MFSD6: variants seen among roughly 807,000 people sequenced by gnomAD.
The protein encoded by MFSD6 is major facilitator superfamily domain-containing protein 6.
Under a neutral mutation model 56.3 loss-of-function variants are expected in MFSD6, and 26 were observed. That is an observed-to-expected ratio of 0.46 (90% CI 0.34 to 0.64). The LOEUF is 0.64. MFSD6 is among the 30% of genes least tolerant of loss of function. MFSD6 has a pLI of 0.01. For missense variants in MFSD6, 750 were observed against 986.2 expected, an observed-to-expected ratio of 0.76 and a Z score of 3.21; for synonymous variants, 331 against 366.9, an observed-to-expected ratio of 0.90 and a Z score of 1.12.
Position 190,436,142 on chromosome 2 carries a change from A to C in MFSD6, c.113A>C (p.Asn38Thr). Residue 38 changes from asparagine to threonine, a missense_variant, in exon 3 of 8, where the codon AAT becomes ACT. Asn to Thr is a moderately conservative substitution (Grantham distance 65). Transcript: ENST00000392328. This position sits in a 1 kb window ranked among gnomAD's most constrained non-coding sequence, Gnocchi z 5.3. ...GISREPEPPSNETPSSTETSA... is the reference protein window; with the variant it reads ...GISREPEPPSTETPSSTETSA... ...TCCAGGGAACCAGAACCACCTTCGA[A>C]TGAAACACCTTCCTCCACAGAAACA... 2 of 1,614,250 alleles carry C rather than the reference A, an allele frequency of 1.2e-6. No homozygotes were observed. Among genetic ancestry groups the C allele is most frequent in the South Asian group, 1.1e-5 (1 of 91,092 alleles).
rs1369840382 is a variant in MFSD6, at chr2:190,436,817, T to C, written c.788T>C (p.Ile263Thr). 2 of 1,614,122 alleles carry C rather than the reference T, an allele frequency of 1.2e-6. No homozygotes were observed. Among genetic ancestry groups the C allele is most frequent in the Non-Finnish European group, 1.7e-6 (2 of 1,180,046 alleles). Residue 263 changes from isoleucine to threonine, a missense_variant, in exon 3 of 8, where the codon ATT (isoleucine) becomes ACT (threonine). By Grantham distance (89) the Ile-to-Thr change is moderately conservative. Coordinates refer to ENST00000392328, the MANE Select transcript of MFSD6 (RefSeq NM_017694.4). The surrounding 1 kb of genome is among the most constrained non-coding windows in gnomAD (Gnocchi z 5.3). ...GSVTKETTTVIVTTTKSLPSD... is the reference protein window; with the variant it reads ...GSVTKETTTVTVTTTKSLPSD... Reference sequence around the variant, plus strand: ...GTAACCAAGGAGACAACCACTGTTATTGTTACCACCACCAAATCTTTACCT... The same window carrying C: ...GTAACCAAGGAGACAACCACTGTTACTGTTACCACCACCAAATCTTTACCT...
intron 4 of MFSD6, among the ~76,000 whole-genome samples, chr2:190,486,723 G>A (rs538005253): frequency 1.7e-4 from 26 of 152,258 alleles, no homozygotes; most frequent in African/African-American, 6.3e-4. Context: ...AAAGAATTTT[G>A]ATCTTTTAGT....
chr2:190,428,792 C>T (rs890549506), intron 2 of MFSD6, among the ~76,000 whole-genome samples: 5 of 152,046 alleles, frequency 3.3e-5, no homozygotes, highest in Admixed American at 1.3e-4. Context: ...CCTGCCTCAG[C>T]CCCCCGAGTA....
At chr2:190,450,935 C>T (rs538542993) in intron 3 of MFSD6, among the ~76,000 whole-genome samples, 5 of 152,242 alleles carry the variant, frequency 3.3e-5, no homozygotes, top group African/African-American at 1.2e-4. Context: ...TTGCTGAGTA[C>T]AGTGAGGAAT....
chr2:190,500,078 C>T lies in MFSD6; in HGVS notation c.2236C>T (p.His746Tyr). The T allele has an allele frequency of 6.2e-7, 1 of 1,614,206 alleles. No individual in the cohort carries two copies. The highest frequency in any genetic ancestry group is 1.1e-5 in the South Asian group (1 of 91,086). Reference sequence around the variant, plus strand: ...AGCCCAGCCTGTCCCATGTGAGACTCACTCTGACCCATCTAGAAACCAGCC... The same window carrying T: ...AGCCCAGCCTGTCCCATGTGAGACTTACTCTGACCCATCTAGAAACCAGCC... ...GRAQPVPCET[H>Y]SDPSRNQPSP... The change falls in exon 8 of 8, where the codon CAC becomes TAC. Residue 746 changes from histidine (H) to tyrosine (Y), a missense_variant. Coordinates refer to ENST00000392328, the MANE Select transcript of MFSD6 (RefSeq NM_017694.4). The surrounding 1 kb of genome is among the most constrained non-coding windows in gnomAD (Gnocchi z 5.3).
chr2:190,500,199 T>C lies in MFSD6; in HGVS notation c.2357T>C (p.Leu786Pro). ...GAGAGTGAAGAGCAGCAGGCTCAGC[T>C]GGCCGCGGGAGGACACTGAGGGCAT... The part of the protein sequence containing the change: ...TEESEEQQAQ[L>P]AAGGH Residue 786 changes from leucine (L) to proline (P), a missense_variant, in exon 8 of 8, where the codon CTG becomes CCG. Transcript: ENST00000392328. This position sits in a 1 kb window ranked among gnomAD's most constrained non-coding sequence, Gnocchi z 5.3. 2 of 1,614,134 alleles carry C rather than the reference T, an allele frequency of 1.2e-6. No homozygotes were observed. Among genetic ancestry groups the C allele is most frequent in the South Asian group, 1.1e-5 (1 of 91,078 alleles).
At position 190,417,521 on chromosome 2, in the gene MFSD6, A is replaced by T. The variant is rs1478123533; in HGVS notation, c.-54+2108A>T. 6.6e-6 allele frequency among the ~76,000 whole-genome samples: 1 copy of T among 151,984 alleles called. No homozygotes were observed. The highest frequency in any genetic ancestry group is 1.5e-5 in the Non-Finnish European group (1 of 67,998). On this transcript the variant is annotated intron_variant, in intron 2 of 7. Transcript: ENST00000392328. The surrounding 1 kb of genome is among the most constrained non-coding windows in gnomAD (Gnocchi z 5.7). The stretch of plus-strand genomic sequence containing the variant: ...CTGTGTGGCCTCCAGCATGTGTCCT[A>T]CCTACTAGTGGGTGCTCGATCTATA...
Position 190,426,859 on chromosome 2 carries a change from C to T in MFSD6, c.-53-9118C>T, listed in dbSNP as rs886152462. On this transcript the variant is annotated intron_variant, in intron 2 of 7. Transcript: ENST00000392328. This position sits in a 1 kb window ranked among gnomAD's most constrained non-coding sequence, Gnocchi z 4.7. ...ATCTTATTTAGACCTTCTGCTTTAG[C>T]TGACTTTTTCTGAAACTGCTCTGGC... Among the ~76,000 whole-genome samples, 2 of 152,172 alleles carry T rather than the reference C, an allele frequency of 1.3e-5. No homozygotes were observed. The highest frequency in any genetic ancestry group is 4.8e-5 in the African/African-American group (2 of 41,430).
At chr2:190,429,264 A>G (rs1445187766) in intron 2 of MFSD6, among the ~76,000 whole-genome samples, 1 of 151,572 alleles carries the variant, frequency 6.6e-6, no homozygotes, top group East Asian at 1.9e-4. Flanking sequence ...ATATATCACC[A>G]AAATATCTTC....
At chr2:190,450,141 C>T (rs1289136227) in intron 3 of MFSD6, among the ~76,000 whole-genome samples, 1 of 152,120 alleles carries the variant, frequency 6.6e-6, no homozygotes, top group Non-Finnish European at 1.5e-5. Context: ...CCAGCTGTTT[C>T]GTTATCTTGA....
rs188646785 is a variant in MFSD6 at position 190,488,047 on chromosome 2, C to T, written c.1631-610C>T. ...CCTCCCGAGTAGCTGGGACTATAGG[C>T]GTGCACCACCACGCCAGGCTAATTT... is the stretch of plus-strand genomic sequence containing the variant. On this transcript the variant is annotated intron_variant, in intron 4 of 7. Transcript: ENST00000392328. The surrounding 1 kb of genome is among the most constrained non-coding windows in gnomAD (Gnocchi z 6.4). 1.1e-4 allele frequency among the ~76,000 whole-genome samples: 17 copies of T among 152,244 alleles called. No homozygotes were observed. In the East Asian group the frequency reaches 2.7e-3, roughly 24 times the overall value.
At position 190,437,479 on chromosome 2, in the gene MFSD6, G is replaced by A. The variant is rs374771250; in HGVS notation, c.1450G>A (p.Val484Ile). 7.7e-5 allele frequency: 125 copies of A among 1,614,058 alleles called. No homozygotes were observed. The highest frequency in any genetic ancestry group is 9.9e-5 in the Non-Finnish European group (117 of 1,180,040). The change falls in exon 3 of 8, where the codon GTC becomes ATC. Residue 484 changes from valine to isoleucine, a missense_variant. Val to Ile is a conservative substitution (Grantham distance 29). This residue lies in a region of MFSD6 where 125 missense variants were observed against 223.1 expected (regional missense o/e 0.56). Transcript: ENST00000392328. This position sits in a 1 kb window ranked among gnomAD's most constrained non-coding sequence, Gnocchi z 5.9. ...DLNGTTTLFG[V>I]CSVLSHVSEL... ...CAATGGAACTACAACCCTCTTTGGG[G>A]TCTGTTCAGTCCTGAGTCATGTGTC...
chr2:190,479,522 T>A (rs537885037), intron 4 of MFSD6, among the ~76,000 whole-genome samples: 68 of 152,302 alleles, frequency 4.5e-4, no homozygotes, highest in African/African-American at 1.6e-3. Flanking sequence ...AAAGAACAAT[T>A]AAACATTCAT....
rs1454621337 is a variant in MFSD6, at chr2:190,431,484, C to T, written c.-53-4493C>T. Among the ~76,000 whole-genome samples the T allele has an allele frequency of 6.6e-6, 1 of 152,270 alleles. No individual in the cohort carries two copies. Among genetic ancestry groups the T allele is most frequent in the Admixed American group, 6.5e-5 (1 of 15,294 alleles). Reference sequence around the variant, plus strand: ...TCTGGAGGCCGAGGCTGGCGGATCACTCGCGATTAGGAGCTGGAGACTAGC... The same window carrying T: ...TCTGGAGGCCGAGGCTGGCGGATCATTCGCGATTAGGAGCTGGAGACTAGC... On this transcript the variant is annotated intron_variant, in intron 2 of 7. Transcript: ENST00000392328. The surrounding 1 kb of genome is among the most constrained non-coding windows in gnomAD (Gnocchi z 4.4).
rs142464652 is a variant in MFSD6 at position 190,469,310 on chromosome 2, T to C, written c.1533-448T>C. Among the ~76,000 whole-genome samples the C allele has an allele frequency of 6.6e-6, 1 of 152,304 alleles. No homozygotes were observed. The highest frequency in any genetic ancestry group is 1.9e-4 in the East Asian group (1 of 5,192). ...TTATGAGCAAGGCCACATTCGTGTTTACATATTCTCATTTTTATCCTTCCT... is the reference window on the plus strand; with the variant it reads ...TTATGAGCAAGGCCACATTCGTGTTCACATATTCTCATTTTTATCCTTCCT... On this transcript the variant is annotated intron_variant, in intron 3 of 7. Transcript: ENST00000392328. This position sits in a 1 kb window ranked among gnomAD's most constrained non-coding sequence, Gnocchi z 5.3.
chr2:190,500,347 A>C lies in MFSD6; in HGVS notation c.*129A>C. 1.1e-6 allele frequency: 1 copy of C among 914,022 alleles called. No individual in the cohort carries two copies. The highest frequency in any genetic ancestry group is 1.6e-6 in the Non-Finnish European group (1 of 609,550). The allele number at this position is 914,022 out of a possible 1,614,324, so 56.6% of individuals were successfully genotyped here. On this transcript the variant is annotated 3_prime_UTR_variant, in exon 8 of 8. Coordinates refer to ENST00000392328, the MANE Select transcript of MFSD6 (RefSeq NM_017694.4). The surrounding 1 kb of genome is among the most constrained non-coding windows in gnomAD (Gnocchi z 5.3). ...ACTGCATATGCTTCTAAATATCTAA[A>C]CTCATTAACATGGAAACACACACAC...
intron 4 of MFSD6, among the ~76,000 whole-genome samples, chr2:190,478,103 A>C (rs1688445931): frequency 1.3e-5 from 2 of 152,198 alleles, no homozygotes; most frequent in African/African-American, 4.8e-5. Flanking sequence ...CAGGGATATT[A>C]TCCCAGGATT....
chr2:190,462,215 G>T lies in MFSD6; in HGVS notation c.1533-7543G>T, dbSNP rs142775064. ...ACATACAGACATTTTATGGAGAAAT[G>T]GGAACAGAATAACCATTGTTTTAAG... is the stretch of plus-strand genomic sequence containing the variant. On this transcript the variant is annotated intron_variant, in intron 3 of 7. Coordinates refer to ENST00000392328, the MANE Select transcript of MFSD6 (RefSeq NM_017694.4). The surrounding 1 kb of genome is among the most constrained non-coding windows in gnomAD (Gnocchi z 5.7). 1.8e-3 allele frequency among the ~76,000 whole-genome samples: 279 copies of T among 152,190 alleles called. No individual in the cohort carries two copies. The highest frequency in any genetic ancestry group is 5.7e-3 in the African/African-American group (235 of 41,506).
In MFSD6 at chr2:190,431,404, G is replaced by A. The variant is rs537374203; in HGVS notation, c.-53-4573G>A. Among the ~76,000 whole-genome samples the A allele has an allele frequency of 2.2e-4, 34 of 152,352 alleles. No individual in the cohort carries two copies. The highest frequency in any genetic ancestry group is 1.7e-3 in the East Asian group (9 of 5,186). ...GCCGAGATCACCCCACTGCACTCCA[G>A]CCTGGGCACCATTGATCACTGAGTG... On this transcript the variant is annotated intron_variant, in intron 2 of 7. Transcript: ENST00000392328. The surrounding 1 kb of genome is among the most constrained non-coding windows in gnomAD (Gnocchi z 4.4).
Sources: gnomAD v4.1 joint callset for allele counts (sites outside exome capture counted in the v4.1 genomes callset) on GRCh38, gnomAD v4.1.1 for gene constraint, gnomAD v4.1.1 regional missense constraint, Gnocchi (gnomAD v3.1) non-coding constraint, MANE v1.5 for transcripts, NCBI Gene and HGNC (gene_info 2026-07-23, HGNC 2026-07-21) for gene names.